Variants in ANO4 observed in about 807,000 individuals in gnomAD.
ANO4 encodes anoctamin-4.
In ANO4, 69 loss-of-function variants were observed where a neutral mutation model predicts 141.9. The observed-to-expected ratio is 0.49, with a 90% confidence interval of 0.40 to 0.59. The LOEUF (loss-of-function observed/expected upper bound fraction) is 0.59, where lower values mean the gene tolerates loss of function less well. Ranked by LOEUF, ANO4 falls within the 20% of genes least tolerant of loss-of-function variation. The pLI, the probability that ANO4 is intolerant of heterozygous loss-of-function variation, is 0.00. For missense variants in ANO4, 894 were observed against 1,162.2 expected (o/e 0.77, Z 3.36); for synonymous variants, 350 against 394.3 (o/e 0.89, Z 1.33).
intron 3 of ANO4, among the ~76,000 whole-genome samples, chr12:100,757,088 T>C (rs1277395769): frequency 6.6e-6 from 1 of 152,170 alleles, no homozygotes. Context: ...TTTTAAAATC[T>C]GTCCCTTCTG....
chr12:100,854,366 A>G (rs1213416300), intron 1 of ANO4, among the ~76,000 whole-genome samples: 1 of 152,040 alleles, frequency 6.6e-6, no homozygotes, highest in Non-Finnish European at 1.5e-5. Flanking sequence ...TTGTTGTGTT[A>G]GCTGTGGTAT....
At chr12:101,032,239 G>T (rs142931826) in intron 9 of ANO4, among the ~76,000 whole-genome samples, 2,273 of 152,208 alleles carry the variant, frequency 0.015, 59 homozygotes, top group African/African-American at 0.052. Context: ...CAGACACATA[G>T]ACCAATGGAA....
intron 8 of ANO4, among the ~76,000 whole-genome samples, chr12:100,999,229 C>G (rs2045532092): frequency 6.6e-6 from 1 of 152,230 alleles, no homozygotes; most frequent in South Asian, 2.1e-4. Context: ...AGGCTGCACT[C>G]CTTTCTGGAG....
intron 9 of ANO4, among the ~76,000 whole-genome samples, chr12:101,033,581 G>A (rs1284867558): frequency 6.6e-6 from 1 of 152,042 alleles, no homozygotes; most frequent in African/African-American, 2.4e-5. Context: ...ATAGGCATGG[G>A]CAAAGTCTTC....
At chr12:100,741,522 C>T (rs895399300) in intron 3 of ANO4, among the ~76,000 whole-genome samples, 1 of 152,114 alleles carries the variant, frequency 6.6e-6, no homozygotes, top group Non-Finnish European at 1.5e-5. Flanking sequence ...GATTTTGATT[C>T]CTGCGGTTCA....
chr12:100,903,689 G>A (rs2040702708), intron 2 of ANO4, among the ~76,000 whole-genome samples: 1 of 152,196 alleles, frequency 6.6e-6, no homozygotes, highest in Non-Finnish European at 1.5e-5. Flanking sequence ...CTATCTGCAA[G>A]GGCAGGCTGG....
intron 1 of ANO4, among the ~76,000 whole-genome samples, chr12:100,889,211 C>T (rs551205846): frequency 4.6e-5 from 7 of 152,170 alleles, no homozygotes; most frequent in South Asian, 2.1e-4. Flanking sequence ...GACATGATCT[C>T]ATCATTTTTT....
At chr12:100,979,318 T>C (rs763656306) in intron 7 of ANO4, among the ~76,000 whole-genome samples, 3 of 152,078 alleles carry the variant, frequency 2.0e-5, no homozygotes, top group Non-Finnish European at 4.4e-5. Flanking sequence ...TGGAGGGCTT[T>C]TAAAAACACG....
chr12:101,050,728 A>C (rs977662548), intron 14 of ANO4, among the ~76,000 whole-genome samples: 1 of 152,214 alleles, frequency 6.6e-6, no homozygotes, highest in Non-Finnish European at 1.5e-5. Flanking sequence ...CATAGCACAC[A>C]TAAAAATGAA....
At chr12:100,717,689 C>T (rs986367493) in intron 1 of ANO4, 1 of 394,784 alleles carries the variant, frequency 2.5e-6, no homozygotes, top group Non-Finnish European at 4.5e-6. Flanking sequence ...GTGCGCGCCG[C>T]TCCTGAGGGG....
chr12:100,790,582 C>G (rs2034010842), upstream of ANO4, among the ~76,000 whole-genome samples: 3 of 152,104 alleles, frequency 2.0e-5, no homozygotes. Flanking sequence ...TTTGGCTTCA[C>G]CAGACTCAGC....
chr12:100,773,906 T>G (rs546997714), intron 3 of ANO4, among the ~76,000 whole-genome samples: 55 of 152,336 alleles, frequency 3.6e-4, no homozygotes, highest in African/African-American at 1.2e-3. Flanking sequence ...CTATTACCTG[T>G]GTGCTAAATA....
At chr12:100,983,264 C>T (rs2044563837) in intron 7 of ANO4, among the ~76,000 whole-genome samples, 1 of 152,150 alleles carries the variant, frequency 6.6e-6, no homozygotes, top group African/African-American at 2.4e-5. Flanking sequence ...TAGCTGTTGC[C>T]AGGTCTTGAG....
chr12:100,957,276 G>T (rs950072617), intron 5 of ANO4, among the ~76,000 whole-genome samples: 1 of 152,168 alleles, frequency 6.6e-6, no homozygotes, highest in South Asian at 2.1e-4. Context: ...AAACCTGGGA[G>T]GTGTCCTGGC....
At chr12:100,746,698 C>T (rs894436842) in intron 3 of ANO4, among the ~76,000 whole-genome samples, 4 of 152,152 alleles carry the variant, frequency 2.6e-5, no homozygotes, top group African/African-American at 9.7e-5. Flanking sequence ...GACGTGGTCC[C>T]TAACTCATTG....
At chr12:101,092,407 G>A (rs1457431854) in intron 17 of ANO4, among the ~76,000 whole-genome samples, 1 of 152,122 alleles carries the variant, frequency 6.6e-6, no homozygotes, top group East Asian at 1.9e-4. Context: ...CATCCAGTTT[G>A]GAAACTTAGA....
At chr12:100,961,224 G>C (rs1265033709) in intron 5 of ANO4, among the ~76,000 whole-genome samples, 1 of 152,186 alleles carries the variant, frequency 6.6e-6, no homozygotes, top group Non-Finnish European at 1.5e-5. Context: ...GATTTTATGA[G>C]TCATTGTGTT....
Position 100,806,522 on chromosome 12 carries a change from TCG to T in ANO4, c.-141+11496_-141+11497del, listed in dbSNP as rs1207325713. Among the ~76,000 whole-genome samples, 114 of 91,554 alleles carry T rather than the reference TCG, an allele frequency of 1.2e-3. 12 individuals are homozygous for T. Among genetic ancestry groups the T allele is most frequent in the Non-Finnish European group, 1.6e-3 (71 of 45,204 alleles). 60.1% of individuals were successfully genotyped at this position (91,554 alleles called of 152,430 possible). A position where few individuals can be genotyped will look rare whatever the true frequency, so the allele number is the denominator to read the frequency against. ...ATTTTTAGGAGGTTTTTTTTTTGTT[TCG>T]TTTTTTTTTTTTTTTTTTTTTTTTT... On this transcript the variant is annotated intron_variant, in intron 1 of 27. Coordinates refer to ENST00000392977, the MANE Select transcript of ANO4 (RefSeq NM_001286615.2).
At chr12:100,729,684 A>G (rs1402622133) in intron 1 of ANO4, among the ~76,000 whole-genome samples, 1 of 152,196 alleles carries the variant, frequency 6.6e-6, no homozygotes, top group Non-Finnish European at 1.5e-5. Context: ...GTGGTTCTTA[A>G]AGGATTAAAT....
Sources: gnomAD v4.1 joint callset for allele counts (sites outside exome capture counted in the v4.1 genomes callset) on GRCh38, gnomAD v4.1.1 for gene constraint, MANE v1.5 for transcripts, NCBI Gene and HGNC (gene_info 2026-07-23, HGNC 2026-07-21) for gene names.